MIA2: variants seen among roughly 807,000 people sequenced by gnomAD.
The protein encoded by MIA2 is MIA SH3 domain ER export factor 2, also known as melanoma inhibitory activity protein 2.
Under a neutral mutation model 167.8 loss-of-function variants are expected in MIA2, and 127 were observed. That is an observed-to-expected ratio of 0.76 (90% CI 0.66 to 0.88). MIA2 has a LOEUF of 0.88. MIA2 is among the 40% of genes least tolerant of loss of function. MIA2 has a pLI of 0.00. For synonymous variants in MIA2, 552 were observed against 541.9 expected, an observed-to-expected ratio of 1.02 and a Z score of -0.26; for missense variants, 1,690 against 1,624.7, an observed-to-expected ratio of 1.04 and a Z score of -0.69.
intron 23 of MIA2, among the ~76,000 whole-genome samples, chr14:39,367,659 G>C: frequency 6.6e-6 from 1 of 152,148 alleles, no homozygotes; most frequent in East Asian, 1.9e-4. Flanking sequence ...GGTATTTCCT[G>C]TCACTTCTCT....
chr14:39,327,613 C>T (rs893423549), intron 25 of MIA2, among the ~76,000 whole-genome samples: 4 of 139,164 alleles, frequency 2.9e-5, no homozygotes, highest in African/African-American at 1.0e-4. Context: ...ATGCTATCCT[C>T]CCCTGGCCCC....
chr14:39,378,448 A>ACTAAGGAGTAC, intron 23 of MIA2, among the ~76,000 whole-genome samples: 1 of 152,316 alleles, frequency 6.6e-6, no homozygotes. Context: ...ATAAATCTAT[A>ACTAAGGAGTAC]TCTAAGAGTA....
At chr14:39,263,312 TTAC>T (rs2055221853) in intron 6 of MIA2, among the ~76,000 whole-genome samples, 1 of 152,236 alleles carries the variant, frequency 6.6e-6, no homozygotes, top group Non-Finnish European at 1.5e-5. Context: ...ATGTGATGGA[TTAC>T]ATTTATTGAT....
rs1392200652 is a variant in MIA2, at chr14:39,248,083, T to G, written c.1509T>G (p.Asp503Glu). 4.5e-6 allele frequency: 7 copies of G among 1,562,372 alleles called. No homozygotes were observed. The South Asian group carries it at 7.5e-5, about 17-fold the overall frequency. The stretch of plus-strand genomic sequence containing the variant: ...AAGAAACTGGAGAATTTTCCATTGA[T>G]AATTATCCCACAGATAATACAAAAG... ...ENEETGEFSI[D>E]NYPTDNTKVM... The change falls in exon 4 of 29, where the codon GAT becomes GAG. Residue 503 changes from aspartate to glutamate, a missense_variant. By Grantham distance (45) the Asp-to-Glu change is conservative (BLOSUM62 2). Transcript: ENST00000640607.
chr14:39,277,776 A>ATATATATATATATTTATATT lies in MIA2; in HGVS notation c.2019+716_2019+717insATATATATTTATATTTATAT. ...TATATATATATATATATATATATATATATATTTATATTTAAAGAGATGGGG... is the reference window on the plus strand; with the variant it reads ...TATATATATATATATATATATATATATATATATATATATTTATATTTATATTTATATTTAAAGAGATGGGG... On this transcript the variant is annotated intron_variant, in intron 7 of 28. Transcript: ENST00000640607. Among the ~76,000 whole-genome samples the ATATATATATATATTTATATT allele has an allele frequency of 5.6e-5, 2 of 35,772 alleles. 1 individual carries two copies. Among genetic ancestry groups the ATATATATATATATTTATATT allele is most frequent in the South Asian group, 2.4e-3 (2 of 828 alleles). The allele number at this position is 35,772 out of a possible 152,430, so 23.5% of individuals were successfully genotyped here.
chr14:39,325,582 T>C (rs574122206), intron 24 of MIA2, among the ~76,000 whole-genome samples: 135 of 151,650 alleles, frequency 8.9e-4, no homozygotes, highest in African/African-American at 3.1e-3. Flanking sequence ...TTAGCCAGGA[T>C]GGTCTCGATC....
intron 25 of MIA2, among the ~76,000 whole-genome samples, chr14:39,335,336 T>C (rs1483177390): frequency 6.6e-6 from 1 of 152,218 alleles, no homozygotes; most frequent in Admixed American, 6.5e-5. Context: ...ATCTGTCATT[T>C]AGTCTGTTAG....
chr14:39,385,868 G>C (rs185970364), intron 23 of MIA2: 1 of 966,390 alleles, frequency 1.0e-6, no homozygotes. Flanking sequence ...CGCATGCCCC[G>C]TCCCCTAGCT....
chr14:39,319,147 A>G, intron 22 of MIA2, 62 bp from the exon 23 acceptor site: 7 of 917,214 alleles, frequency 7.6e-6, no homozygotes, highest in Non-Finnish European at 8.3e-6. Flanking sequence ...TGGTAGAGGC[A>G]TTTTTTCTTG....
chr14:39,240,768 C>A, intron 3 of MIA2, 121 bp downstream of exon 3: 1 of 596,360 alleles, frequency 1.7e-6, no homozygotes. Context: ...AATAGTTGGC[C>A]TGAGAACTTA....
At chr14:39,277,965 T>G (rs1463833365) in intron 7 of MIA2, among the ~76,000 whole-genome samples, 1 of 151,036 alleles carries the variant, frequency 6.6e-6, no homozygotes, top group African/African-American at 2.4e-5. Flanking sequence ...GCTTCATCTT[T>G]TTTTTAATTC....
At chr14:39,267,332 G>T (rs1056020132) in intron 6 of MIA2, 3 of 1,539,904 alleles carry the variant, frequency 1.9e-6, no homozygotes, top group Non-Finnish European at 2.6e-6. Flanking sequence ...AGCCGGCTCC[G>T]CAGTGGTCCA....
At chr14:39,295,883 T>C (rs34289674) in intron 13 of MIA2, among the ~76,000 whole-genome samples, 6 of 152,196 alleles carry the variant, frequency 3.9e-5, no homozygotes, top group Non-Finnish European at 7.3e-5. Context: ...ACATATTCTG[T>C]CTTATTCAAT....
intron 6 of MIA2, chr14:39,266,165 A>C: frequency 1.0e-6 from 1 of 985,434 alleles, no homozygotes; most frequent in Non-Finnish European, 1.2e-6. Flanking sequence ...TGATTTGTTT[A>C]GGAGGAAGTA....
At position 39,289,290 on chromosome 14, in the gene MIA2, C is replaced by T. The variant is rs2060395930; in HGVS notation, c.2131-1729C>T. On this transcript the variant is annotated intron_variant, in intron 9 of 28. Coordinates refer to ENST00000640607, the MANE Select transcript of MIA2 (RefSeq NM_001329214.4). Reference sequence around the variant, plus strand: ...GGCTGGAGTGCATGATCTCGACTCACTGCAACTTCCGCCTCATGGGCTCAA... The same window carrying T: ...GGCTGGAGTGCATGATCTCGACTCATTGCAACTTCCGCCTCATGGGCTCAA... Among the ~76,000 whole-genome samples the T allele has an allele frequency of 2.0e-5, 3 of 151,792 alleles. No individual in the cohort carries two copies. The South Asian group carries it at 6.2e-4, about 32-fold the overall frequency.
chr14:39,350,411 A>G lies in MIA2; in HGVS notation c.*147A>G, dbSNP rs900508353. 16 of 451,978 alleles carry G rather than the reference A, an allele frequency of 3.5e-5. No individual in the cohort carries two copies. In the East Asian group the frequency reaches 5.7e-4, roughly 16 times the overall value. The allele number at this position is 451,978 out of a possible 1,614,324, so 28.0% of individuals were successfully genotyped here. On this transcript the variant is annotated 3_prime_UTR_variant, in exon 29 of 29. Coordinates refer to ENST00000640607, the MANE Select transcript of MIA2 (RefSeq NM_001329214.4). ...GGATAGTATTTTGTAAATAAAGATG[A>G]TTTAAATATGAATCTTATGAGTAAA...
At chr14:39,282,697 C>A (rs886857189) in intron 9 of MIA2, among the ~76,000 whole-genome samples, 20 of 152,158 alleles carry the variant, frequency 1.3e-4, no homozygotes, top group African/African-American at 4.1e-4. Flanking sequence ...CCTCAGACTC[C>A]TGAGTAACTG....
At chr14:39,363,712 A>G (rs992559715) in intron 23 of MIA2, among the ~76,000 whole-genome samples, 1 of 152,158 alleles carries the variant, frequency 6.6e-6, no homozygotes, top group Middle Eastern at 3.2e-3. Flanking sequence ...GTACATATGT[A>G]TTTAGAATTG....
chr14:39,288,322 A>G (rs1004863052), intron 9 of MIA2, among the ~76,000 whole-genome samples: 9 of 150,430 alleles, frequency 6.0e-5, no homozygotes, highest in African/African-American at 2.2e-4. Flanking sequence ...TGGATGTTCA[A>G]CTTTGTTGAA....
Sources: gnomAD v4.1 joint callset for allele counts (sites outside exome capture counted in the v4.1 genomes callset) on GRCh38, gnomAD v4.1.1 for gene constraint, MANE v1.5 for transcripts, NCBI Gene and HGNC (gene_info 2026-07-23, HGNC 2026-07-21) for gene names.